CDKL3: variants seen among roughly 807,000 people sequenced by gnomAD.
CDKL3 encodes the protein cyclin dependent kinase like 3.
Under a neutral mutation model 69.3 loss-of-function variants are expected in CDKL3, and 65 were observed. The observed-to-expected ratio is 0.94, with a 90% confidence interval of 0.77 to 1.15. The LOEUF (loss-of-function observed/expected upper bound fraction) is 1.15, where lower values mean the gene tolerates loss of function less well. Among genes scored for constraint, CDKL3 ranks in the 50% most tolerant of loss-of-function variants. The pLI is 0.00. For missense variants in CDKL3, 652 were observed against 689.2 expected (o/e 0.95, Z 0.61); for synonymous variants, 202 against 221.6 (o/e 0.91, Z 0.79).
In CDKL3 at chr5:134,312,356, C is replaced by T. The variant is rs201147909; in HGVS notation, c.817G>A (p.Asp273Asn). Residue 273 changes from aspartate to asparagine, a missense_variant, in exon 7 of 13, where the codon GAC (aspartate) becomes AAC (asparagine). Physicochemically the swap from Asp to Asn is conservative, Grantham distance 23 (BLOSUM62 1). Transcript: ENST00000265334. Reference protein sequence around the residue: ...VHACLQIDPADRISSSDLLHH... With the variant: ...VHACLQIDPANRISSSDLLHH... ...AAAAGATCACTAGATGATATCCTGT[C>T]AGCAGGATCAATTTGTAAACAAGCC... 152 of 1,594,902 alleles carry T rather than the reference C, an allele frequency of 9.5e-5. No individual in the cohort carries two copies. The highest frequency in any genetic ancestry group is 1.2e-4 in the Non-Finnish European group (145 of 1,171,434).
At chr5:134,304,083 C>T (rs1767096082) in intron 11 of CDKL3, among the ~76,000 whole-genome samples, 1 of 151,828 alleles carries the variant, frequency 6.6e-6, no homozygotes, top group South Asian at 2.1e-4. Flanking sequence ...CAGGCACACA[C>T]CACCACACCA....
chr5:134,350,805 C>T (rs1199749103), intron 3 of CDKL3, among the ~76,000 whole-genome samples: 7 of 142,090 alleles, frequency 4.9e-5, no homozygotes, highest in East Asian at 4.0e-4. Context: ...CAGAGTGAGA[C>T]CCTGTCTCTA....
chr5:134,291,045 T>G (rs888401054), intron 8 of CDKL3, among the ~76,000 whole-genome samples: 1 of 152,224 alleles, frequency 6.6e-6, no homozygotes, highest in South Asian at 2.1e-4. Flanking sequence ...GAAAGGATGA[T>G]GTAGGGTATA....
At chr5:134,284,364 G>A (rs1381841759), downstream of CDKL3, among the ~76,000 whole-genome samples, 4 of 152,248 alleles carry the variant, frequency 2.6e-5, no homozygotes, top group South Asian at 2.1e-4. Flanking sequence ...AAAGGGGAGG[G>A]GGATACGAAC....
At chr5:134,360,334 A>C (rs1056594881) in intron 2 of CDKL3, among the ~76,000 whole-genome samples, 5 of 151,896 alleles carry the variant, frequency 3.3e-5, no homozygotes, top group Non-Finnish European at 7.4e-5. Flanking sequence ...CCTCCTGAAC[A>C]GCTGGGATTA....
Position 134,327,161 on chromosome 5 carries a change from A to G in CDKL3, c.540-5258T>C, listed in dbSNP as rs776931340. ...GCTAAGTTCTGGGTGATTAGTGTCAAGAGGAGGGAGACACTCTTCCAACCA... is the reference window on the plus strand; with the variant it reads ...GCTAAGTTCTGGGTGATTAGTGTCAGGAGGAGGGAGACACTCTTCCAACCA... On this transcript the variant is annotated intron_variant, in intron 4 of 12. Transcript: ENST00000265334. 2.7e-4 allele frequency among the ~76,000 whole-genome samples: 41 copies of G among 151,926 alleles called. 1 individual carries two copies. Among genetic ancestry groups the G allele is most frequent in the East Asian group, 7.8e-4 (4 of 5,156 alleles).
chr5:134,365,858 TCTCC>T (rs1252639488), intron 2 of CDKL3, among the ~76,000 whole-genome samples: 1 of 152,204 alleles, frequency 6.6e-6, no homozygotes, highest in Non-Finnish European at 1.5e-5. Context: ...CACAACAGTT[TCTCC>T]CTCTTATCTA....
chr5:134,351,238 AGG>A (rs1280226168), intron 3 of CDKL3, among the ~76,000 whole-genome samples: 27 of 152,250 alleles, frequency 1.8e-4, no homozygotes, highest in African/African-American at 6.0e-4. Flanking sequence ...CCTAAAACAT[AGG>A]GTCCTTGTCT....
intron 7 of CDKL3, among the ~76,000 whole-genome samples, chr5:134,310,996 T>C (rs574788541): frequency 2.8e-4 from 43 of 152,358 alleles, no homozygotes; most frequent in African/African-American, 9.9e-4. Context: ...AAAGACAAGC[T>C]GAATGGTTTT....
chr5:134,285,312 G>A (rs1764817562), downstream of CDKL3, among the ~76,000 whole-genome samples: 1 of 152,220 alleles, frequency 6.6e-6, no homozygotes, highest in South Asian at 2.1e-4. Flanking sequence ...CTTCTTCCTG[G>A]ACATCCAGGC....
In CDKL3 at chr5:134,314,068, C is replaced by A. The variant is rs551125183; in HGVS notation, c.793-1688G>T. Reference sequence around the variant, plus strand: ...CTAAGGCGGAAGAATTGCTTGAACCCGGGAGACAGGAGGTTGCGGTGAGCC... The same window carrying A: ...CTAAGGCGGAAGAATTGCTTGAACCAGGGAGACAGGAGGTTGCGGTGAGCC... On this transcript the variant is annotated intron_variant, in intron 6 of 12. Coordinates refer to ENST00000265334, the MANE Select transcript of CDKL3 (RefSeq NM_001113575.2). Among the ~76,000 whole-genome samples, 6 of 152,200 alleles carry A rather than the reference C, an allele frequency of 3.9e-5. No homozygotes were observed. In the South Asian group the frequency reaches 1.2e-3, roughly 32 times the overall value.
In CDKL3 at chr5:134,351,346, T is replaced by C. The variant is rs765759210; in HGVS notation, c.361-919A>G. On this transcript the variant is annotated intron_variant, in intron 3 of 12. Transcript: ENST00000265334. Reference sequence around the variant, plus strand: ...GGGAGCCACTTTTGTCACTTGGTTATAGGGACAACACTCTTGGGCTTCTCC... The same window carrying C: ...GGGAGCCACTTTTGTCACTTGGTTACAGGGACAACACTCTTGGGCTTCTCC... Among the ~76,000 whole-genome samples the C allele has an allele frequency of 9.8e-5, 15 of 152,322 alleles. 1 individual carries two copies. Among genetic ancestry groups the C allele is most frequent in the Middle Eastern group, 6.8e-3 (2 of 294 alleles).
chr5:134,371,473 TCGGCGGCGGCGGCGGCGG>T (rs34763898), upstream of CDKL3: 4,759 of 1,143,990 alleles, frequency 4.2e-3, 14 homozygotes, highest in Non-Finnish European at 5.1e-3. Flanking sequence ...TTTGTCAGTC[TCGGCGGCGGCGGCGGCGG>T]CGGCGGCGGC....
At chr5:134,356,060 A>C (rs761486284) in intron 3 of CDKL3, among the ~76,000 whole-genome samples, 2 of 152,220 alleles carry the variant, frequency 1.3e-5, no homozygotes, top group African/African-American at 2.4e-5. Flanking sequence ...TATACTATAC[A>C]ATGAAATCAT....
intron 2 of CDKL3, among the ~76,000 whole-genome samples, chr5:134,364,931 T>A (rs1398937215): frequency 6.6e-6 from 1 of 151,072 alleles, no homozygotes; most frequent in African/African-American, 2.4e-5. Context: ...CTCAGCCTCC[T>A]AAGTAGCTGG....
chr5:134,354,763 A>G (rs909805747), intron 3 of CDKL3, among the ~76,000 whole-genome samples: 2 of 152,184 alleles, frequency 1.3e-5, no homozygotes, highest in Admixed American at 6.5e-5. Context: ...CCTGGCCAAC[A>G]TGGTGAAACC....
chr5:134,290,836 C>T (rs1033305019), intron 8 of CDKL3, among the ~76,000 whole-genome samples: 12 of 152,040 alleles, frequency 7.9e-5, no homozygotes, highest in Admixed American at 5.2e-4. Context: ...CACACACAAT[C>T]TGACTTAAGT....
At chr5:134,355,201 C>A (rs1437510891) in intron 3 of CDKL3, among the ~76,000 whole-genome samples, 2 of 148,900 alleles carry the variant, frequency 1.3e-5, no homozygotes, top group East Asian at 3.9e-4. Context: ...CCAATACACT[C>A]CAGCCTGAGC....
chr5:134,334,101 G>T (rs939203158), intron 4 of CDKL3, among the ~76,000 whole-genome samples: 1 of 152,052 alleles, frequency 6.6e-6, no homozygotes, highest in Admixed American at 6.6e-5. Context: ...TTGTGTGGAG[G>T]GGTTTGTAGT....
Sources: allele counts gnomAD v4.1 joint callset (sites outside exome capture counted in the v4.1 genomes callset), GRCh38; gene constraint gnomAD v4.1.1; transcripts MANE v1.5; gene names NCBI Gene and HGNC (gene_info 2026-07-23, HGNC 2026-07-21).